Variants in DOK6 observed in about 807,000 individuals in gnomAD.
DOK6 encodes docking protein 6, also known as downstream of tyrosine kinase 6.
In DOK6, 22 loss-of-function variants were observed where a neutral mutation model predicts 44.0. The ratio of observed to expected loss-of-function variants is 0.50; its 90% CI spans 0.36 to 0.71. DOK6 has a LOEUF of 0.71. DOK6 is among the 30% of genes least tolerant of loss of function. The pLI is 0.00. For synonymous variants in DOK6, 166 were observed against 145.5 expected (o/e 1.14, Z -1.01); for missense variants, 340 against 416.4 (o/e 0.82, Z 1.60).
chr18:69,576,560 T>C (rs1338527901), intron 2 of DOK6, among the ~76,000 whole-genome samples: 12 of 152,186 alleles, frequency 7.9e-5, no homozygotes, highest in Non-Finnish European at 5.9e-5. Context: ...TTATGAGTAT[T>C]AATGGTCTCA....
chr18:69,494,002 G>A (rs771618878), intron 1 of DOK6, among the ~76,000 whole-genome samples: 4 of 152,016 alleles, frequency 2.6e-5, no homozygotes, highest in Non-Finnish European at 4.4e-5. Flanking sequence ...AGTAACCTGG[G>A]GTCTGTTTCA....
intron 5 of DOK6, among the ~76,000 whole-genome samples, chr18:69,716,962 C>T (rs1986898140): frequency 6.6e-6 from 1 of 152,124 alleles, no homozygotes; most frequent in East Asian, 1.9e-4. Context: ...GCTACTTTCA[C>T]CCAGTGTAAT....
intron 6 of DOK6, among the ~76,000 whole-genome samples, chr18:69,754,254 TGAGGTGGCAGAATTGCTTGAGCTTGG>T (rs1979281042): frequency 6.7e-6 from 1 of 150,220 alleles, no homozygotes; most frequent in African/African-American, 2.4e-5. Context: ...CTCGGGAGGC[TGAGGTGGCAGAATTGCTTGAGCTTGG>T]GAGGCGGAGA....
chr18:69,694,396 T>G (rs1986346826), intron 4 of DOK6, among the ~76,000 whole-genome samples: 1 of 151,510 alleles, frequency 6.6e-6, no homozygotes, highest in South Asian at 2.1e-4. Context: ...TAATTGCAGA[T>G]TCAATACTAG....
intron 5 of DOK6, among the ~76,000 whole-genome samples, chr18:69,707,190 A>G (rs540127876): frequency 2.8e-4 from 43 of 152,350 alleles, no homozygotes; most frequent in African/African-American, 9.6e-4. Flanking sequence ...AAAAGAGGAT[A>G]CAAAGAAATG....
At chr18:69,552,661 C>T (rs1982593955) in intron 1 of DOK6, among the ~76,000 whole-genome samples, 1 of 152,294 alleles carries the variant, frequency 6.6e-6, no homozygotes, top group South Asian at 2.1e-4. Flanking sequence ...TTATAATCTG[C>T]ATGTTATTCA....
chr18:69,549,970 CCA>C (rs1982517553), intron 1 of DOK6, among the ~76,000 whole-genome samples: 1 of 149,396 alleles, frequency 6.7e-6, no homozygotes, highest in Admixed American at 6.7e-5. Flanking sequence ...ATAGCTATAT[CCA>C]GTTTTAATAT....
chr18:69,466,960 C>T (rs912024641), intron 1 of DOK6, among the ~76,000 whole-genome samples: 1 of 151,842 alleles, frequency 6.6e-6, no homozygotes, highest in African/African-American at 2.4e-5. Flanking sequence ...TTTCACTTTT[C>T]TTTTTTTCTT....
intron 1 of DOK6, among the ~76,000 whole-genome samples, chr18:69,492,878 G>GTTTTCT (rs1980776897): frequency 1.4e-5 from 2 of 145,352 alleles, no homozygotes; most frequent in African/African-American, 5.0e-5. Flanking sequence ...CAAAAGGAAC[G>GTTTTCT]TTTTCTTTTC....
At chr18:69,762,145 G>GCATA (rs1491187104) in intron 7 of DOK6, among the ~76,000 whole-genome samples, 3,709 of 109,010 alleles carry the variant, frequency 0.034, 88 homozygotes, top group East Asian at 0.13. Flanking sequence ...CTCCATCTCT[G>GCATA]CATGCATACA....
At chr18:69,816,726 G>A (rs1412277147) in intron 7 of DOK6, among the ~76,000 whole-genome samples, 2 of 152,196 alleles carry the variant, frequency 1.3e-5, no homozygotes, top group African/African-American at 4.8e-5. Context: ...GTCTACATGG[G>A]AACCCTGTAC....
chr18:69,718,791 G>C (rs887768966), intron 5 of DOK6, among the ~76,000 whole-genome samples: 1 of 151,866 alleles, frequency 6.6e-6, no homozygotes, highest in African/African-American at 2.4e-5. Context: ...TTTGCCCCTA[G>C]TTTTTTTAAT....
intron 7 of DOK6, among the ~76,000 whole-genome samples, chr18:69,840,010 G>T (rs942078728): frequency 6.6e-6 from 1 of 152,158 alleles, no homozygotes; most frequent in Admixed American, 6.5e-5. Context: ...AAGTGGTTCC[G>T]TTCTAATTAG....
At chr18:69,621,267 T>C (rs577960202) in intron 3 of DOK6, among the ~76,000 whole-genome samples, 1 of 152,304 alleles carries the variant, frequency 6.6e-6, no homozygotes, top group Non-Finnish European at 1.5e-5. Context: ...TGCCTTGATA[T>C]TTTTTAAAGG....
At position 69,701,281 on chromosome 18, in the gene DOK6, G is replaced by A. The variant is rs117826525; in HGVS notation, c.599+2688G>A. Among the ~76,000 whole-genome samples, 37 of 152,316 alleles carry A rather than the reference G, an allele frequency of 2.4e-4. No individual in the cohort carries two copies. The East Asian group carries it at 3.7e-3, about 15-fold the overall frequency. ...GTAATCATCCTCAGCGCAGCATGGC[G>A]CCCAGGAGATGTATTCATAGTCTCA... On this transcript the variant is annotated intron_variant, in intron 5 of 7. Transcript: ENST00000382713.
chr18:69,495,229 G>T (rs1445413577), intron 1 of DOK6, among the ~76,000 whole-genome samples: 1 of 152,204 alleles, frequency 6.6e-6, no homozygotes, highest in African/African-American at 2.4e-5. Flanking sequence ...GTCTTGGCTT[G>T]GGGAGCTCCC....
chr18:69,603,725 C>G (rs1197755499), intron 3 of DOK6, among the ~76,000 whole-genome samples: 1 of 132,802 alleles, frequency 7.5e-6, no homozygotes, highest in Non-Finnish European at 1.5e-5. Flanking sequence ...GAGCCGAGAT[C>G]GCGCCACTGC....
intron 3 of DOK6, chr18:69,662,205 C>T (rs1246961060): frequency 6.6e-6 from 1 of 152,244 alleles, no homozygotes; most frequent in East Asian, 1.9e-4. Context: ...GTCTCAAACT[C>T]CTAATCTCAG....
intron 4 of DOK6, among the ~76,000 whole-genome samples, chr18:69,686,184 C>G (rs1202917040): frequency 1.3e-5 from 2 of 152,076 alleles, no homozygotes; most frequent in African/African-American, 2.4e-5. Context: ...AGAAAAAAAT[C>G]AACCCTGCTG....
Sources: gnomAD v4.1 joint callset for allele counts (sites outside exome capture counted in the v4.1 genomes callset) on GRCh38, gnomAD v4.1.1 for gene constraint, MANE v1.5 for transcripts, NCBI Gene and HGNC (gene_info 2026-07-23, HGNC 2026-07-21) for gene names.